Variants in CNOT6L observed in about 807,000 individuals in gnomAD.
CNOT6L encodes CCR4-NOT transcription complex subunit 6-like.
A neutral mutation model predicts 64.0 loss-of-function variants in CNOT6L; 7 were observed. That is an observed-to-expected ratio of 0.11 (90% CI 0.06 to 0.21). CNOT6L has a LOEUF of 0.21. CNOT6L is among the 10% of genes least tolerant of loss of function. CNOT6L has a pLI of 1.00. For missense variants in CNOT6L, 245 were observed against 669.0 expected (o/e 0.37, Z 6.99); for synonymous variants, 193 against 243.4 (o/e 0.79, Z 1.93).
At chr4:77,794,123 G>C in intron 1 of CNOT6L, among the ~76,000 whole-genome samples, 1 of 110,878 alleles carries the variant, frequency 9.0e-6, no homozygotes, top group East Asian at 3.0e-4. Context: ...CTGCACTCAA[G>C]CCTGGCAACA....
chr4:77,749,688 A>C (rs965033612), intron 5 of CNOT6L, among the ~76,000 whole-genome samples: 1 of 152,236 alleles, frequency 6.6e-6, no homozygotes, highest in African/African-American at 2.4e-5. Context: ...ACTAACCAGC[A>C]AAATTAAAAA....
At chr4:77,817,469 T>A (rs1176088844) in intron 1 of CNOT6L, among the ~76,000 whole-genome samples, 1 of 152,234 alleles carries the variant, frequency 6.6e-6, no homozygotes, top group African/African-American at 2.4e-5. Flanking sequence ...GAGGCAGAAC[T>A]AAAATTTAAC....
intron 8 of CNOT6L, among the ~76,000 whole-genome samples, chr4:77,736,065 A>G (rs1202912057): frequency 6.6e-6 from 1 of 152,168 alleles, no homozygotes; most frequent in Non-Finnish European, 1.5e-5. Context: ...TTTTAAAGGT[A>G]CCTTCTTTTT....
At chr4:77,751,753 A>C (rs901734150) in intron 5 of CNOT6L, among the ~76,000 whole-genome samples, 2 of 152,240 alleles carry the variant, frequency 1.3e-5, no homozygotes, top group Non-Finnish European at 2.9e-5. Context: ...AAGGACTGAA[A>C]GAAAAGAACT....
intron 1 of CNOT6L, among the ~76,000 whole-genome samples, chr4:77,804,346 T>C (rs1269003307): frequency 2.0e-5 from 3 of 151,840 alleles, no homozygotes; most frequent in African/African-American, 4.8e-5. Flanking sequence ...GGAGAACTGC[T>C]TGAACCTGGG....
intron 4 of CNOT6L, among the ~76,000 whole-genome samples, chr4:77,768,463 T>C (rs1727110059): frequency 1.0e-5 from 1 of 98,476 alleles, no homozygotes; most frequent in Admixed American, 1.2e-4. Context: ...AGACTCTGTC[T>C]AAAATAAATA....
At chr4:77,784,138 G>C (rs1025261500) in intron 1 of CNOT6L, among the ~76,000 whole-genome samples, 1 of 152,088 alleles carries the variant, frequency 6.6e-6, no homozygotes, top group African/African-American at 2.4e-5. Context: ...GTCAGTTACA[G>C]TACTACCAGG....
chr4:77,750,837 A>T (rs905695317), intron 5 of CNOT6L, among the ~76,000 whole-genome samples: 4 of 152,240 alleles, frequency 2.6e-5, no homozygotes, highest in African/African-American at 9.6e-5. Context: ...ACTGACTGGC[A>T]GCACTAGGCC....
At chr4:77,730,082 T>C (rs1225669821) in intron 9 of CNOT6L, among the ~76,000 whole-genome samples, 1 of 152,094 alleles carries the variant, frequency 6.6e-6, no homozygotes, top group Non-Finnish European at 1.5e-5. Context: ...ATAATTTCTA[T>C]AGAAGCGTCT....
At chr4:77,782,898 C>T (rs1187397183) in intron 1 of CNOT6L, among the ~76,000 whole-genome samples, 1 of 152,082 alleles carries the variant, frequency 6.6e-6, no homozygotes, top group Admixed American at 6.6e-5. Context: ...GCAAACTATA[C>T]TGCATATAGT....
At chr4:77,749,858 C>T (rs1724657225) in intron 5 of CNOT6L, among the ~76,000 whole-genome samples, 1 of 152,156 alleles carries the variant, frequency 6.6e-6, no homozygotes, top group Non-Finnish European at 1.5e-5. Context: ...ATTTAAAACA[C>T]CCATGTCCCT....
intron 1 of CNOT6L, among the ~76,000 whole-genome samples, chr4:77,793,403 A>T (rs1406380668): frequency 6.6e-6 from 1 of 152,168 alleles, no homozygotes; most frequent in African/African-American, 2.4e-5. Context: ...CGCGTCAGTA[A>T]TCACAACTTT....
rs61135806 is a variant in CNOT6L at position 77,723,557 on chromosome 4, C to T, written c.1455+2610G>A. On this transcript the variant is annotated intron_variant, in intron 11 of 11. Coordinates refer to ENST00000504123, the MANE Select transcript of CNOT6L (RefSeq NM_144571.3). Reference sequence around the variant, plus strand: ...AAAAGTTCATTTTCTGTTACTTGGACTAAGAGCTCAATTCTCTCTACTCAG... The same window carrying T: ...AAAAGTTCATTTTCTGTTACTTGGATTAAGAGCTCAATTCTCTCTACTCAG... Among the ~76,000 whole-genome samples, 803 of 152,308 alleles carry T rather than the reference C, an allele frequency of 5.3e-3. 7 individuals carry two copies. The highest frequency in any genetic ancestry group is 0.018 in the African/African-American group (756 of 41,566).
intron 9 of CNOT6L, among the ~76,000 whole-genome samples, chr4:77,730,787 T>C (rs1168114678): frequency 6.6e-6 from 1 of 152,116 alleles, no homozygotes; most frequent in Non-Finnish European, 1.5e-5. Flanking sequence ...TCTCACTCCT[T>C]TCTTGCTTAA....
At chr4:77,729,320 T>C (rs930251744) in intron 9 of CNOT6L, among the ~76,000 whole-genome samples, 7 of 152,240 alleles carry the variant, frequency 4.6e-5, no homozygotes, top group Admixed American at 3.3e-4. Context: ...ATGGGCTAAA[T>C]CTGGCCCACA....
intron 1 of CNOT6L, among the ~76,000 whole-genome samples, chr4:77,803,669 C>T (rs570494128): frequency 1.1e-3 from 160 of 152,166 alleles, no homozygotes; most frequent in African/African-American, 3.7e-3. Context: ...TTTGAGAGGC[C>T]GAGGCAGGTA....
chr4:77,795,181 G>A (rs1310218392), intron 1 of CNOT6L, among the ~76,000 whole-genome samples: 1 of 151,806 alleles, frequency 6.6e-6, no homozygotes, highest in Non-Finnish European at 1.5e-5. Flanking sequence ...CACCACGGCT[G>A]GCTAATTTTG....
intron 11 of CNOT6L, among the ~76,000 whole-genome samples, chr4:77,721,988 GAA>G (rs995951048): frequency 3.0e-5 from 4 of 134,744 alleles, no homozygotes; most frequent in African/African-American, 8.2e-5. Flanking sequence ...TAAAAGAAAA[GAA>G]AAAAAAAAAG....
intron 4 of CNOT6L, among the ~76,000 whole-genome samples, chr4:77,762,325 AG>A (rs1490099821): frequency 6.6e-6 from 1 of 152,170 alleles, no homozygotes; most frequent in Non-Finnish European, 1.5e-5. Context: ...CCTGTATCAT[AG>A]CTGATCATAA....
Sources: gnomAD v4.1 joint callset for allele counts (sites outside exome capture counted in the v4.1 genomes callset) on GRCh38, gnomAD v4.1.1 for gene constraint, MANE v1.5 for transcripts, NCBI Gene and HGNC (gene_info 2026-07-23, HGNC 2026-07-21) for gene names.